CTNNA2: variants seen among roughly 807,000 people sequenced by gnomAD.
CTNNA2 encodes the protein catenin alpha 2.
In CTNNA2, 42 loss-of-function variants were observed where a neutral mutation model predicts 101.0. That is an observed-to-expected ratio of 0.42 (90% CI 0.32 to 0.54). The LOEUF is 0.54. CTNNA2 is among the 20% of genes least tolerant of loss of function. The pLI, the probability that CTNNA2 is intolerant of heterozygous loss-of-function variation, is 0.14. For missense variants in CTNNA2, 871 were observed against 1,223.1 expected (o/e 0.71, Z 4.29); for synonymous variants, 450 against 456.4 (o/e 0.99, Z 0.18).
At chr2:79,528,181 A>C (rs1299416872) in intron 1 of CTNNA2, among the ~76,000 whole-genome samples, 4 of 148,530 alleles carry the variant, frequency 2.7e-5, no homozygotes, top group African/African-American at 1.0e-4. Context: ...ATGAACGCTA[A>C]TGGGTACACG....
At chr2:79,266,190 T>G (rs1362146791) in intron 2 of CTNNA2, among the ~76,000 whole-genome samples, 1 of 152,188 alleles carries the variant, frequency 6.6e-6, no homozygotes, top group Non-Finnish European at 1.5e-5. Context: ...TCCATTTTTT[T>G]GCATCTCTGG....
Position 79,746,093 on chromosome 2 carries a change from T to C in CTNNA2, c.298+1511T>C, listed in dbSNP as rs916591450. 1.8e-4 allele frequency among the ~76,000 whole-genome samples: 28 copies of C among 152,352 alleles called. 1 individual carries two copies. Among genetic ancestry groups the C allele is most frequent in the African/African-American group, 6.3e-4 (26 of 41,582 alleles). On this transcript the variant is annotated intron_variant, in intron 3 of 18. Transcript: ENST00000402739. ...CACTTGTTTTATTTTGTGAATTGTA[T>C]CATCATAATTGTTGTGAGGTGATAT...
chr2:79,246,625 A>C (rs1674703634), intron 2 of CTNNA2, among the ~76,000 whole-genome samples: 1 of 152,184 alleles, frequency 6.6e-6, no homozygotes, highest in African/African-American at 2.4e-5. Context: ...ATAAACATCA[A>C]AGTTATGGTT....
chr2:79,624,016 C>G (rs918157409), intron 1 of CTNNA2, among the ~76,000 whole-genome samples: 3 of 152,000 alleles, frequency 2.0e-5, no homozygotes, highest in Admixed American at 2.0e-4. Flanking sequence ...CAGTCTCTCT[C>G]TTTCCCCCAT....
intron 2 of CTNNA2, among the ~76,000 whole-genome samples, chr2:79,231,993 T>C (rs1192197374): frequency 2.6e-5 from 4 of 152,168 alleles, no homozygotes; most frequent in Admixed American, 6.6e-5. Context: ...TAGAATCATA[T>C]TGTCAGCAAA....
intron 7 of CTNNA2, among the ~76,000 whole-genome samples, chr2:80,167,480 T>C (rs1450918615): frequency 1.3e-5 from 2 of 152,206 alleles, no homozygotes; most frequent in Non-Finnish European, 2.9e-5. Flanking sequence ...CAATCTTTGG[T>C]AAAATGGGAG....
intron 3 of CTNNA2, among the ~76,000 whole-genome samples, chr2:79,324,375 C>G (rs1676695008): frequency 6.6e-6 from 1 of 151,994 alleles, no homozygotes; most frequent in Non-Finnish European, 1.5e-5. Context: ...TGTCTGGTAC[C>G]AGGCTCCAGG....
chr2:80,519,900 T>C (rs1689397087), intron 9 of CTNNA2, among the ~76,000 whole-genome samples: 1 of 152,160 alleles, frequency 6.6e-6, no homozygotes, highest in Non-Finnish European at 1.5e-5. Context: ...GAGACCATCC[T>C]CTGGAACAAC....
intron 1 of CTNNA2, among the ~76,000 whole-genome samples, chr2:79,519,807 C>T (rs1338780297): frequency 6.6e-6 from 1 of 152,172 alleles, no homozygotes; most frequent in Non-Finnish European, 1.5e-5. Context: ...ATCCTTCCCT[C>T]TCTTTCATTT....
intron 4 of CTNNA2, among the ~76,000 whole-genome samples, chr2:79,401,009 A>G (rs1288272819): frequency 6.6e-6 from 1 of 151,930 alleles, no homozygotes; most frequent in East Asian, 1.9e-4. Context: ...TAGCAAAACT[A>G]TTTTTCAAAA....
chr2:80,024,088 G>GA (rs1158051768), intron 7 of CTNNA2, among the ~76,000 whole-genome samples: 10,929 of 54,666 alleles, frequency 0.2, 1,161 homozygotes, highest in East Asian at 0.64. Context: ...CTCCGTCTCA[G>GA]AAAAAAAAAA....
At chr2:79,439,876 G>T (rs1678758296) in intron 4 of CTNNA2, among the ~76,000 whole-genome samples, 2 of 152,054 alleles carry the variant, frequency 1.3e-5, no homozygotes, top group African/African-American at 4.8e-5. Context: ...GATGCATGCT[G>T]GTGTTTGAGA....
intron 3 of CTNNA2, among the ~76,000 whole-genome samples, chr2:79,834,822 TA>T (rs1355788097): frequency 6.6e-6 from 1 of 152,110 alleles, no homozygotes; most frequent in Non-Finnish European, 1.5e-5. Flanking sequence ...GCTAAATGTT[TA>T]AAAATGTTGC....
intron 3 of CTNNA2, among the ~76,000 whole-genome samples, chr2:79,749,387 T>C (rs1460511250): frequency 1.3e-5 from 2 of 152,176 alleles, no homozygotes; most frequent in East Asian, 1.9e-4. Flanking sequence ...AAAAGAGATA[T>C]TGTATTCAAA....
At chr2:80,033,037 G>T (rs1695398489) in intron 7 of CTNNA2, among the ~76,000 whole-genome samples, 1 of 151,054 alleles carries the variant, frequency 6.6e-6, no homozygotes, top group East Asian at 2.0e-4. Context: ...TGTAGTCCCA[G>T]ATACTCAGGA....
intron 12 of CTNNA2, among the ~76,000 whole-genome samples, chr2:80,566,164 T>A (rs1368291039): frequency 1.3e-5 from 2 of 152,204 alleles, no homozygotes; most frequent in East Asian, 3.8e-4. Flanking sequence ...ACCCGCAAAT[T>A]TAACTTGCCA....
At chr2:79,746,993 T>C (rs1397495027) in intron 3 of CTNNA2, among the ~76,000 whole-genome samples, 1 of 152,186 alleles carries the variant, frequency 6.6e-6, no homozygotes, top group Non-Finnish European at 1.5e-5. Flanking sequence ...CCAATTCTTC[T>C]TGCAAACCTA....
intron 6 of CTNNA2, among the ~76,000 whole-genome samples, chr2:79,904,999 G>A (rs1176432850): frequency 1.3e-5 from 2 of 152,182 alleles, no homozygotes; most frequent in Non-Finnish European, 2.9e-5. Context: ...GAGCAAATGG[G>A]AGATCAATTA....
At chr2:80,282,892 TAGG>T (rs1674494327) in intron 7 of CTNNA2, among the ~76,000 whole-genome samples, 1 of 151,822 alleles carries the variant, frequency 6.6e-6, no homozygotes, top group Non-Finnish European at 1.5e-5. Context: ...AAAGAAGTAA[TAGG>T]TAAATAATGG....
Sources: allele counts gnomAD v4.1 joint callset (sites outside exome capture counted in the v4.1 genomes callset), GRCh38; gene constraint gnomAD v4.1.1; transcripts MANE v1.5; gene names NCBI Gene and HGNC (gene_info 2026-07-23, HGNC 2026-07-21).